The following ARFGEF3 variants were observed in gnomAD, a reference collection of about 807,000 sequenced individuals.
The protein encoded by ARFGEF3 is brefeldin A-inhibited guanine nucleotide-exchange protein 3.
ARFGEF3 carries 96 observed loss-of-function variants against 221.7 expected under a neutral mutation model. The ratio of observed to expected loss-of-function variants is 0.43; its 90% CI spans 0.37 to 0.51. The LOEUF (loss-of-function observed/expected upper bound fraction) is 0.51. ARFGEF3 is among the 20% of genes least tolerant of loss of function. The probability of loss-of-function intolerance (pLI) is 0.00; values close to 1 mark genes in which losing one functional copy is unlikely to be tolerated. For synonymous variants in ARFGEF3, 1,145 were observed against 1,126.8 expected (o/e 1.02, Z -0.32); for missense variants, 2,410 against 2,789.9 (o/e 0.86, Z 3.07).
At chr6:138,304,357 G>A (rs1297428297) in intron 22 of ARFGEF3, among the ~76,000 whole-genome samples, 1 of 152,148 alleles carries the variant, frequency 6.6e-6, no homozygotes, top group Non-Finnish European at 1.5e-5. Context: ...GGTGGAGTAG[G>A]CAATGACTAC....
intron 9 of ARFGEF3, among the ~76,000 whole-genome samples, chr6:138,254,414 G>A: frequency 6.8e-6 from 1 of 146,236 alleles, no homozygotes. Context: ...GCAAGACTCT[G>A]TCCCAAAAAA....
chr6:138,319,616 C>G (rs1779987690), intron 27 of ARFGEF3, 87 bp from the exon 28 acceptor site: 1 of 883,432 alleles, frequency 1.1e-6, no homozygotes. Flanking sequence ...ATGTAGGGAT[C>G]CTTCCAAAGA....
intron 14 of ARFGEF3, among the ~76,000 whole-genome samples, chr6:138,283,088 A>C (rs1235216685): frequency 6.6e-6 from 1 of 152,208 alleles, no homozygotes; most frequent in African/African-American, 2.4e-5. Flanking sequence ...AATCATTCAA[A>C]TGTATGAGAG....
chr6:138,281,401 T>C (rs1350138982), intron 14 of ARFGEF3, among the ~76,000 whole-genome samples: 1 of 152,158 alleles, frequency 6.6e-6, no homozygotes, highest in African/African-American at 2.4e-5. Context: ...AGGTTTGGGG[T>C]CAACTGATCC....
intron 17 of ARFGEF3, among the ~76,000 whole-genome samples, chr6:138,288,897 T>C (rs1779346840): frequency 1.3e-5 from 2 of 152,230 alleles, no homozygotes; most frequent in African/African-American, 2.4e-5. Context: ...TGCCTTAGCA[T>C]TTTGCATTAC....
In ARFGEF3 at chr6:138,261,659, A is replaced by G; in HGVS notation, c.1217+20A>G. On this transcript the variant is annotated intron_variant, in intron 11 of 33. Transcript: ENST00000251691. ...CAAACTGTATGATGTTTATCCTTTT[A>G]AGTCTTTATTGAGGCTGCTTTTCTG... 7.0e-7 allele frequency: 1 copy of G among 1,428,454 alleles called. No individual in the cohort carries two copies. The highest frequency in any genetic ancestry group is 9.5e-7 in the Non-Finnish European group (1 of 1,056,776). The allele number at this position is 1,428,454 out of a possible 1,614,324, so 88.5% of individuals were successfully genotyped here.
At chr6:138,252,104 AT>A (rs1323042433) in intron 8 of ARFGEF3, among the ~76,000 whole-genome samples, 1 of 152,046 alleles carries the variant, frequency 6.6e-6, no homozygotes, top group Non-Finnish European at 1.5e-5. Context: ...GCCTTTCCCC[AT>A]TTCTTCTTCC....
intron 2 of ARFGEF3, among the ~76,000 whole-genome samples, chr6:138,204,153 A>G (rs1377962978): frequency 6.6e-6 from 1 of 151,682 alleles, no homozygotes; most frequent in Non-Finnish European, 1.5e-5. Flanking sequence ...AGCCTGGCCA[A>G]CATGGTGAAA....
intron 6 of ARFGEF3, among the ~76,000 whole-genome samples, chr6:138,239,519 C>T (rs1239546320): frequency 6.6e-6 from 1 of 151,726 alleles, no homozygotes; most frequent in East Asian, 1.9e-4. Context: ...TGTGGTGGTG[C>T]ACACCTGTAA....
chr6:138,205,505 T>G (rs1777610094), intron 2 of ARFGEF3, among the ~76,000 whole-genome samples: 1 of 152,206 alleles, frequency 6.6e-6, no homozygotes, highest in African/African-American at 2.4e-5. Context: ...CTCCGTTTAA[T>G]TTTTCTAAGC....
chr6:138,291,931 G>A lies in ARFGEF3; in HGVS notation c.3246G>A (p.Leu1082=). Residue 1082 remains leucine, a synonymous_variant, in exon 19 of 34, where the codon CTG becomes CTA. Transcript: ENST00000251691. This position sits in a 1 kb window ranked among gnomAD's most constrained non-coding sequence, Gnocchi z 4.5. The stretch of plus-strand genomic sequence containing the variant: ...GCACGGCCCCTGTCGTCCAGCCCCT[G>A]TCCATCCAGGACCTCGTCCGGGAAG... ...SLSTAPVVQP[L]SIQDLVREGS... 6.6e-7 allele frequency: 1 copy of A among 1,508,512 alleles called. No homozygotes were observed. Among genetic ancestry groups the A allele is most frequent in the East Asian group, 2.6e-5 (1 of 38,424 alleles). The allele number at this position is 1,508,512 out of a possible 1,614,324, so 93.4% of individuals were successfully genotyped here.
intron 26 of ARFGEF3, among the ~76,000 whole-genome samples, chr6:138,315,634 G>A (rs773598159): frequency 6.6e-6 from 1 of 152,088 alleles, no homozygotes; most frequent in Non-Finnish European, 1.5e-5. Context: ...GGTGGATCAC[G>A]AGGTCAGGAG....
intron 19 of ARFGEF3, among the ~76,000 whole-genome samples, chr6:138,293,123 T>C (rs1471174037): frequency 1.3e-5 from 2 of 152,246 alleles, no homozygotes; most frequent in Non-Finnish European, 2.9e-5. Flanking sequence ...GACTCATGAT[T>C]CCATTTCTAT....
intron 5 of ARFGEF3, among the ~76,000 whole-genome samples, chr6:138,237,052 A>G (rs1778300717): frequency 6.6e-6 from 1 of 150,604 alleles, no homozygotes; most frequent in Admixed American, 6.6e-5. Context: ...TTGAAATATT[A>G]ACATTCAATA....
intron 12 of ARFGEF3, among the ~76,000 whole-genome samples, chr6:138,271,860 G>A (rs1427127317): frequency 1.3e-5 from 2 of 152,054 alleles, no homozygotes; most frequent in Admixed American, 1.3e-4. Context: ...TCTCCTTTTG[G>A]TGGATCTTTA....
At chr6:138,264,222 T>C (rs1350152734) in intron 12 of ARFGEF3, among the ~76,000 whole-genome samples, 2 of 152,122 alleles carry the variant, frequency 1.3e-5, no homozygotes, top group Non-Finnish European at 2.9e-5. Flanking sequence ...ATAATGCTGG[T>C]ATTATTGAAG....
chr6:138,317,855 G>T (rs185458672), intron 27 of ARFGEF3, among the ~76,000 whole-genome samples: 1 of 152,262 alleles, frequency 6.6e-6, no homozygotes, highest in Non-Finnish European at 1.5e-5. Context: ...AGGGTCATAG[G>T]TGATTAGATT....
At chr6:138,206,931 T>A in intron 2 of ARFGEF3, 111 bp from the exon 3 acceptor site, 1 of 724,852 alleles carries the variant, frequency 1.4e-6, no homozygotes. Context: ...TTGGTTATAG[T>A]TTTTGTGTAT....
At chr6:138,262,537 A>G (rs1032013595) in intron 11 of ARFGEF3, among the ~76,000 whole-genome samples, 164 bp from the exon 12 acceptor site, 1 of 152,152 alleles carries the variant, frequency 6.6e-6, no homozygotes, top group Non-Finnish European at 1.5e-5. Flanking sequence ...CCACCTAGGC[A>G]TGTTTGTTTC....
Sources: allele counts gnomAD v4.1 joint callset (sites outside exome capture counted in the v4.1 genomes callset), GRCh38; gene constraint gnomAD v4.1.1; non-coding constraint Gnocchi (gnomAD v3.1); transcripts MANE v1.5; gene names NCBI Gene and HGNC (gene_info 2026-07-23, HGNC 2026-07-21).